The following RPF2 variants were observed in gnomAD, a reference collection of about 807,000 sequenced individuals.
The protein encoded by RPF2 is ribosome production factor 2 homolog, also known as brix domain containing 1.
Under a neutral mutation model 38.9 loss-of-function variants are expected in RPF2, and 21 were observed. That is an observed-to-expected ratio of 0.54 (90% confidence interval 0.38 to 0.78). The LOEUF (loss-of-function observed/expected upper bound fraction) is 0.78, where lower values mean the gene tolerates loss of function less well. Ranked by LOEUF, RPF2 falls within the 30% of genes least tolerant of loss-of-function variation. The probability of loss-of-function intolerance (pLI) is 0.00; values close to 1 mark genes in which losing one functional copy is unlikely to be tolerated. For synonymous variants in RPF2, 121 were observed against 126.2 expected (o/e 0.96, Z 0.28); for missense variants, 314 against 358.1 (o/e 0.88, Z 0.99).
At chr6:111,002,023 T>C (rs1026770975) in intron 6 of RPF2, among the ~76,000 whole-genome samples, 3 of 152,184 alleles carry the variant, frequency 2.0e-5, no homozygotes, top group African/African-American at 7.2e-5. Context: ...CTCACGCCTG[T>C]AATCCCAGTA....
chr6:110,993,571 G>A (rs968618267), intron 4 of RPF2, among the ~76,000 whole-genome samples: 2 of 152,026 alleles, frequency 1.3e-5, no homozygotes, highest in South Asian at 4.1e-4. Context: ...TTTTGTTTTT[G>A]TGATACCATA....
chr6:110,982,568 T>C (rs973151475), intron 1 of RPF2: 7 of 174,696 alleles, frequency 4.0e-5, no homozygotes, highest in Non-Finnish European at 7.3e-5. Flanking sequence ...TCATACTTCA[T>C]AGAGCTGTGA....
intron 1 of RPF2, chr6:110,982,564 T>C: frequency 5.6e-6 from 1 of 177,220 alleles, no homozygotes. Flanking sequence ...ATAGTCATAC[T>C]TCATAGAGCT....
At position 111,008,898 on chromosome 6, in the gene RPF2, C is replaced by CTTTTTTTTTTTTTTTTTTTTTT. The variant is rs57167034; in HGVS notation, c.493+779_493+780insTTTTTTTTTTTTTTTTTTTTTT. On this transcript the variant is annotated intron_variant, in intron 7 of 9. Transcript: ENST00000441448. Reference sequence around the variant, plus strand: ...AAGCCCTCAGTGACCTTCCTGGCTCCTTTTTTTTTTTTTTTTTTAAAGATA... The same window carrying CTTTTTTTTTTTTTTTTTTTTTT: ...AAGCCCTCAGTGACCTTCCTGGCTCCTTTTTTTTTTTTTTTTTTTTTTTTTTTTTTTTTTTTTTTTAAAGATA... 2.2e-4 allele frequency among the ~76,000 whole-genome samples: 26 copies of CTTTTTTTTTTTTTTTTTTTTTT among 120,426 alleles called. 2 individuals carry two copies. The highest frequency in any genetic ancestry group is 4.7e-4 in the African/African-American group (14 of 30,094). 79.0% of individuals were successfully genotyped at this position (120,426 alleles called of 152,430 possible).
intron 3 of RPF2, among the ~76,000 whole-genome samples, chr6:110,990,701 C>T (rs1331541344): frequency 6.6e-6 from 1 of 151,926 alleles, no homozygotes; most frequent in Non-Finnish European, 1.5e-5. Context: ...TCTCCTGCCT[C>T]AGCCTCCTGA....
chr6:111,005,609 G>T (rs1583268226), intron 6 of RPF2, among the ~76,000 whole-genome samples: 1 of 152,120 alleles, frequency 6.6e-6, no homozygotes, highest in Non-Finnish European at 1.5e-5. Flanking sequence ...CCAGCTGGTA[G>T]TTTAATTTAG....
At chr6:110,993,412 T>A (rs1291927196) in intron 4 of RPF2, among the ~76,000 whole-genome samples, 1 of 152,218 alleles carries the variant, frequency 6.6e-6, no homozygotes, top group Non-Finnish European at 1.5e-5. Flanking sequence ...ATTAAGATAG[T>A]ATTGATAAAA....
chr6:111,015,770 C>A lies in RPF2; in HGVS notation c.510C>A (p.Pro170=), dbSNP rs775761405. ...TGCTTTTAGATTTCTTCAGAGGCCCCACAGTATCAAATATCCGCCTGGCTG... is the reference window on the plus strand; with the variant it reads ...TGCTTTTAGATTTCTTCAGAGGCCCAACAGTATCAAATATCCGCCTGGCTG... The part of the protein sequence containing the change: ...KSLLIDFFRG[P]TVSNIRLAGL... Residue 170 remains proline (P), a synonymous_variant, in exon 8 of 10, where the codon CCC becomes CCA. Coordinates refer to ENST00000441448, the MANE Select transcript of RPF2 (RefSeq NM_032194.3). The A allele has an allele frequency of 1.2e-6, 2 of 1,608,860 alleles. No individual in the cohort carries two copies. Among genetic ancestry groups the A allele is most frequent in the Non-Finnish European group, 1.7e-6 (2 of 1,175,806 alleles).
rs576022337 is a variant in RPF2 at position 111,027,560 on chromosome 6, G to A, written c.*1978G>A. ...CCAGCCGCTTACGGGACCCTGCCAT[G>A]CCTGGACCCCTCTATCAGGAAGACC... On this transcript the variant is annotated 3_prime_UTR_variant, in exon 10 of 10. Coordinates refer to ENST00000441448, the MANE Select transcript of RPF2 (RefSeq NM_032194.3). 1 of 152,344 alleles carries A rather than the reference G, an allele frequency of 6.6e-6. No homozygotes were observed. Among genetic ancestry groups the A allele is most frequent in the South Asian group, 2.1e-4 (1 of 4,828 alleles). 9.4% of individuals were successfully genotyped at this position (152,344 alleles called of 1,614,324 possible).
At chr6:110,982,264 C>A in intron 1 of RPF2, 135 bp downstream of exon 1, 2 of 976,320 alleles carry the variant, frequency 2.0e-6, no homozygotes, top group South Asian at 2.8e-5. Context: ...GATCACCAGC[C>A]CGGGTCCTCC....
chr6:110,986,971 A>G (rs58801405), intron 2 of RPF2, among the ~76,000 whole-genome samples: 16,094 of 150,724 alleles, frequency 0.11, 990 homozygotes, highest in Middle Eastern at 0.17. Context: ...AAAAAAAAAG[A>G]CATAGTATGT....
chr6:111,008,298 A>C (rs969484424), intron 7 of RPF2, among the ~76,000 whole-genome samples, 161 bp downstream of exon 7: 1 of 152,112 alleles, frequency 6.6e-6, no homozygotes, highest in Non-Finnish European at 1.5e-5. Flanking sequence ...ACAAATTTGC[A>C]TGCCATCCTT....
intron 6 of RPF2, among the ~76,000 whole-genome samples, chr6:111,001,218 C>T (rs9400448): frequency 0.093 from 14,075 of 152,116 alleles, 736 homozygotes; most frequent in African/African-American, 0.13. Flanking sequence ...CTTCCTTGAC[C>T]TTCAGTTGCA....
intron 7 of RPF2, among the ~76,000 whole-genome samples, chr6:111,013,037 CT>C (rs1346673121): frequency 2.0e-5 from 3 of 152,144 alleles, no homozygotes; most frequent in Admixed American, 1.3e-4. Flanking sequence ...TATCATACTT[CT>C]TGGTCAAAAT....
intron 8 of RPF2, among the ~76,000 whole-genome samples, chr6:111,018,214 GGAGGGAGAGGGA>G (rs531514968): frequency 2.5e-4 from 36 of 145,450 alleles, no homozygotes; most frequent in East Asian, 1.2e-3. Flanking sequence ...AGGGGGAGGG[GGAGGGAGAGGGA>G]GAGGGAGAGG....
chr6:111,024,573 C>T lies in RPF2; in HGVS notation c.741+246C>T, dbSNP rs144120409. 1.3e-3 allele frequency among the ~76,000 whole-genome samples: 195 copies of T among 151,646 alleles called. 1 individual carries two copies. Among genetic ancestry groups the T allele is most frequent in the African/African-American group, 4.5e-3 (185 of 41,324 alleles). On this transcript the variant is annotated intron_variant, in intron 9 of 9. Transcript: ENST00000441448. ...TGAAAAATACAAAAAATTAGCTGGG[C>T]GTGGTAGCGGGCGCCTGTAGTCCCA...
chr6:111,017,433 G>T lies in RPF2; in HGVS notation c.596+1577G>T, dbSNP rs879556969. 4.8e-4 allele frequency among the ~76,000 whole-genome samples: 72 copies of T among 149,416 alleles called. 1 individual carries two copies. The highest frequency in any genetic ancestry group is 9.5e-4 in the Non-Finnish European group (64 of 67,174). Reference sequence around the variant, plus strand: ...TTCCCAGACGGGGCGGCTGCCGGATGGGGGGGCTCCTCACTTCTCAGACGG... The same window carrying T: ...TTCCCAGACGGGGCGGCTGCCGGATTGGGGGGCTCCTCACTTCTCAGACGG... On this transcript the variant is annotated intron_variant, in intron 8 of 9. Coordinates refer to ENST00000441448, the MANE Select transcript of RPF2 (RefSeq NM_032194.3).
At chr6:111,011,536 C>T (rs1772014524) in intron 7 of RPF2, among the ~76,000 whole-genome samples, 1 of 152,078 alleles carries the variant, frequency 6.6e-6, no homozygotes, top group Non-Finnish European at 1.5e-5. Flanking sequence ...GATCTGCCTG[C>T]CCTGGCCTCC....
chr6:110,993,122 T>A (rs1268482293), intron 4 of RPF2, among the ~76,000 whole-genome samples: 1 of 152,066 alleles, frequency 6.6e-6, no homozygotes, highest in Non-Finnish European at 1.5e-5. Context: ...CCTGGCTAAT[T>A]TTTGTAGAGA....
Sources: gnomAD v4.1 joint callset for allele counts (sites outside exome capture counted in the v4.1 genomes callset) on GRCh38, gnomAD v4.1.1 for gene constraint, MANE v1.5 for transcripts, NCBI Gene and HGNC (gene_info 2026-07-23, HGNC 2026-07-21) for gene names.